The following HMGCLL1 variants were observed in gnomAD, a reference collection of about 807,000 sequenced individuals.
HMGCLL1 encodes the protein 3-hydroxymethyl-3-methylglutaryl-CoA lyase, cytoplasmic.
A neutral mutation model predicts 39.1 loss-of-function variants in HMGCLL1; 36 were observed. That is an observed-to-expected ratio of 0.92 (90% CI 0.71 to 1.22). HMGCLL1 has a LOEUF of 1.22. Ranked by LOEUF, HMGCLL1 falls within the 50% of genes most tolerant of loss-of-function variation. The pLI is 0.00. For synonymous variants in HMGCLL1, 149 were observed against 144.0 expected (o/e 1.03, Z -0.25); for missense variants, 451 against 416.5 (o/e 1.08, Z -0.72).
intron 7 of HMGCLL1, among the ~76,000 whole-genome samples, chr6:55,488,730 T>C (rs1766169837): frequency 6.6e-6 from 1 of 152,078 alleles, no homozygotes; most frequent in South Asian, 2.1e-4. Flanking sequence ...TTTCATTCTT[T>C]AACCTAACCT....
the HMGCLL1 span, among the ~76,000 whole-genome samples, chr6:55,651,157 T>C: frequency 6.6e-6 from 1 of 152,104 alleles, no homozygotes. Context: ...GGGTCTCCCC[T>C]AAAGCCAGCA....
chr6:55,625,613 T>C, the HMGCLL1 span, among the ~76,000 whole-genome samples: 2 of 152,150 alleles, frequency 1.3e-5, no homozygotes, highest in Non-Finnish European at 1.5e-5. Context: ...AAGGGAAATC[T>C]TCCCAGTGGG....
the HMGCLL1 span, among the ~76,000 whole-genome samples, chr6:55,590,137 C>A: frequency 9.2e-5 from 14 of 151,876 alleles, 1 homozygote; most frequent in South Asian, 6.2e-4. Flanking sequence ...GCATCATGCT[C>A]CCTGACTTCA....
the HMGCLL1 span, among the ~76,000 whole-genome samples, chr6:55,660,666 T>C: frequency 6.6e-6 from 1 of 151,988 alleles, no homozygotes; most frequent in African/African-American, 2.4e-5. Flanking sequence ...TGAATAGTGT[T>C]GCAATGAACA....
chr6:55,550,488 TC>T (rs1317238623), intron 1 of HMGCLL1, among the ~76,000 whole-genome samples: 2 of 151,860 alleles, frequency 1.3e-5, no homozygotes, highest in Non-Finnish European at 2.9e-5. Flanking sequence ...TAGTTTTATA[TC>T]CTTTACTTCC....
At chr6:55,484,746 C>T (rs1411406464) in intron 7 of HMGCLL1, among the ~76,000 whole-genome samples, 1 of 152,040 alleles carries the variant, frequency 6.6e-6, no homozygotes, top group Non-Finnish European at 1.5e-5. Context: ...CTATAGTTAC[C>T]ACATTTATGC....
At chr6:55,558,083 A>C (rs1365730860) in intron 1 of HMGCLL1, among the ~76,000 whole-genome samples, 4 of 152,244 alleles carry the variant, frequency 2.6e-5, no homozygotes, top group African/African-American at 9.6e-5. Flanking sequence ...AAATGATTAA[A>C]GCACATCTTA....
At chr6:55,556,382 A>C (rs549320121) in intron 1 of HMGCLL1, among the ~76,000 whole-genome samples, 19 of 152,318 alleles carry the variant, frequency 1.2e-4, no homozygotes, top group African/African-American at 4.6e-4. Flanking sequence ...AGACATCCTG[A>C]GGAACAGCCT....
At position 55,495,711 on chromosome 6, in the gene HMGCLL1, C is replaced by T. The variant is rs113120598; in HGVS notation, c.607-104G>A. 189 of 655,886 alleles carry T rather than the reference C, an allele frequency of 2.9e-4. 1 individual carries two copies. In the African/African-American group the frequency reaches 3.3e-3, roughly 11 times the overall value. The allele number at this position is 655,886 out of a possible 1,614,324, so 40.6% of individuals were successfully genotyped here. On this transcript the variant is annotated intron_variant, in intron 6 of 8. Transcript: ENST00000274901. ...CTAAAGGTAAAAATTACAACTAATA[C>T]CAGTAATGTCCATGAAAAATATATA...
the HMGCLL1 span, among the ~76,000 whole-genome samples, chr6:55,676,434 T>TA: frequency 6.6e-6 from 1 of 152,168 alleles, no homozygotes; most frequent in African/African-American, 2.4e-5. Context: ...TATTGCCTTA[T>TA]AAAAACCTGT....
chr6:55,458,884 C>A (rs1294475833), intron 7 of HMGCLL1, among the ~76,000 whole-genome samples: 8 of 152,040 alleles, frequency 5.3e-5, no homozygotes, highest in Admixed American at 4.6e-4. Context: ...ATGCTATGGG[C>A]CAAGGCTGAT....
At chr6:55,440,034 T>C (rs1393201436) in intron 7 of HMGCLL1, among the ~76,000 whole-genome samples, 1 of 152,114 alleles carries the variant, frequency 6.6e-6, no homozygotes, top group African/African-American at 2.4e-5. Context: ...AAATAGGGTT[T>C]TGTGGGCTCA....
chr6:55,564,104 GC>G (rs1771097589), intron 1 of HMGCLL1, among the ~76,000 whole-genome samples: 1 of 152,148 alleles, frequency 6.6e-6, no homozygotes, highest in South Asian at 2.1e-4. Context: ...CTGGCTCTGG[GC>G]TCCTGAGACT....
intron 4 of HMGCLL1, among the ~76,000 whole-genome samples, chr6:55,514,982 C>A (rs921471130): frequency 6.6e-6 from 1 of 151,988 alleles, no homozygotes; most frequent in Non-Finnish European, 1.5e-5. Flanking sequence ...AGGTCAGGTG[C>A]GGTGGCTCAC....
At chr6:55,477,266 A>AG (rs1765410224) in intron 7 of HMGCLL1, among the ~76,000 whole-genome samples, 1 of 21,094 alleles carries the variant, frequency 4.7e-5, no homozygotes, top group African/African-American at 4.7e-4. Flanking sequence ...TATATATTAT[A>AG]TAATATATAT....
At chr6:55,599,984 T>G in the HMGCLL1 span, among the ~76,000 whole-genome samples, 1 of 152,192 alleles carries the variant, frequency 6.6e-6, no homozygotes, top group Non-Finnish European at 1.5e-5. Flanking sequence ...ATTAGATATT[T>G]TTATGTTGAA....
intron 7 of HMGCLL1, among the ~76,000 whole-genome samples, chr6:55,449,915 C>T (rs1018677430): frequency 5.7e-5 from 7 of 123,794 alleles, no homozygotes; most frequent in Admixed American, 2.6e-4. Context: ...TAATATATTG[C>T]TACTATTTTT....
At chr6:55,615,379 A>T in the HMGCLL1 span, among the ~76,000 whole-genome samples, 2 of 152,136 alleles carry the variant, frequency 1.3e-5, no homozygotes, top group Admixed American at 1.3e-4. Flanking sequence ...TCAAGCTAGC[A>T]GTTGGGAAAA....
At position 55,495,556 on chromosome 6, in the gene HMGCLL1, T is replaced by C; in HGVS notation, c.658A>G (p.Thr220Ala). ...MGCYEISLGD[T>A]IGVGTPGSMK... ...CTTCCTGGAGTTCCCACTCCAATTG[T>C]GTCTCCTAGAGAGATCTCATAACAA... The change falls in exon 7 of 9, where the codon ACA becomes GCA. Residue 220 changes from threonine to alanine, a missense_variant. By Grantham distance (58) the Thr-to-Ala change is moderately conservative. Transcript: ENST00000274901. The C allele has an allele frequency of 3.1e-6, 5 of 1,613,760 alleles. No individual in the cohort carries two copies. The highest frequency in any genetic ancestry group is 4.2e-6 in the Non-Finnish European group (5 of 1,179,730).
Sources: gnomAD v4.1 joint callset for allele counts (sites outside exome capture counted in the v4.1 genomes callset) on GRCh38, gnomAD v4.1.1 for gene constraint, MANE v1.5 for transcripts, NCBI Gene and HGNC (gene_info 2026-07-23, HGNC 2026-07-21) for gene names.